INPP5A: variants seen among roughly 807,000 people sequenced by gnomAD.
The protein encoded by INPP5A is inositol polyphosphate-5-phosphatase A.
Under a neutral mutation model 65.2 loss-of-function variants are expected in INPP5A, and 14 were observed. The observed-to-expected ratio is 0.21, with a 90% CI of 0.14 to 0.34. The LOEUF (loss-of-function observed/expected upper bound fraction) is 0.34, where lower values mean the gene tolerates loss of function less well. Ranked by LOEUF, INPP5A falls within the 10% of genes least tolerant of loss-of-function variation. The pLI, the probability that INPP5A is intolerant of heterozygous loss-of-function variation, is 1.00. For synonymous variants in INPP5A, 207 were observed against 208.3 expected (o/e 0.99, Z 0.05); for missense variants, 431 against 545.6 (o/e 0.79, Z 2.09).
At chr10:132,744,560 A>G (rs1269033559) in intron 9 of INPP5A, among the ~76,000 whole-genome samples, 1 of 152,104 alleles carries the variant, frequency 6.6e-6, no homozygotes, top group Non-Finnish European at 1.5e-5. Flanking sequence ...AGTTTGGAGG[A>G]AAAAAGCCTT....
At chr10:132,591,876 C>T (rs1394997844) in intron 1 of INPP5A, among the ~76,000 whole-genome samples, 6 of 152,198 alleles carry the variant, frequency 3.9e-5, no homozygotes, top group Admixed American at 6.5e-5. Flanking sequence ...GCGTAACGGG[C>T]GCCCTTGCTG....
rs1348799414 is a variant in INPP5A at position 132,555,511 on chromosome 10, G to A, written c.75+17340G>A. Among the ~76,000 whole-genome samples the A allele has an allele frequency of 6.6e-6, 1 of 152,118 alleles. No individual in the cohort carries two copies. The highest frequency in any genetic ancestry group is 1.5e-5 in the Non-Finnish European group (1 of 68,024). ...TGACTCAGGGGACCTGGCGCCGTTG[G>A]TGTGTGCTCACAAAGTGCACGGGGT... On this transcript the variant is annotated intron_variant, in intron 1 of 15. Transcript: ENST00000368594. This position sits in a 1 kb window ranked among gnomAD's most constrained non-coding sequence, Gnocchi z 4.4.
chr10:132,778,755 C>A (rs976522884), intron 13 of INPP5A, among the ~76,000 whole-genome samples: 1 of 152,136 alleles, frequency 6.6e-6, no homozygotes, highest in Non-Finnish European at 1.5e-5. Flanking sequence ...ACAGGAGCCC[C>A]CTACTAACCC....
intron 2 of INPP5A, among the ~76,000 whole-genome samples, chr10:132,629,906 A>G (rs914147933): frequency 6.6e-6 from 1 of 152,146 alleles, no homozygotes; most frequent in African/African-American, 2.4e-5. Flanking sequence ...GAAAGTGTCC[A>G]TAAGGGGAAG....
intron 9 of INPP5A, among the ~76,000 whole-genome samples, chr10:132,737,182 C>G (rs960204468): frequency 1.1e-4 from 17 of 152,258 alleles, no homozygotes; most frequent in Non-Finnish European, 2.1e-4. Context: ...CAGGATTTGG[C>G]CCATCCCACA....
intron 9 of INPP5A, 147 bp from the exon 10 acceptor site, chr10:132,749,370 C>T: frequency 1.5e-6 from 1 of 680,956 alleles, no homozygotes; most frequent in Non-Finnish European, 2.5e-6. Flanking sequence ...CGGGAGTGGC[C>T]CCTGACCCCA....
At chr10:132,736,003 G>T (rs1846169605) in intron 9 of INPP5A, among the ~76,000 whole-genome samples, 1 of 152,340 alleles carries the variant, frequency 6.6e-6, no homozygotes, top group Non-Finnish European at 1.5e-5. Flanking sequence ...GGAATGCGCA[G>T]CCTCCTGTGT....
intron 4 of INPP5A, among the ~76,000 whole-genome samples, chr10:132,671,695 A>C (rs941167666): frequency 6.6e-6 from 1 of 152,192 alleles, no homozygotes; most frequent in Non-Finnish European, 1.5e-5. Context: ...GAGCTTCCTG[A>C]TACTGTTTCA....
chr10:132,712,139 C>G (rs1564977116), intron 8 of INPP5A, among the ~76,000 whole-genome samples: 1 of 152,372 alleles, frequency 6.6e-6, no homozygotes, highest in South Asian at 2.1e-4. Context: ...AGGAGAACAG[C>G]AGCCAGCAGG....
At chr10:132,760,706 G>A (rs750853048) in intron 11 of INPP5A, among the ~76,000 whole-genome samples, 4 of 152,170 alleles carry the variant, frequency 2.6e-5, no homozygotes, top group Non-Finnish European at 4.4e-5. Context: ...TCCTCATGAC[G>A]CCCGGGCCCC....
intron 2 of INPP5A, among the ~76,000 whole-genome samples, chr10:132,614,437 A>C (rs1214151103): frequency 6.6e-6 from 1 of 152,228 alleles, no homozygotes; most frequent in African/African-American, 2.4e-5. Flanking sequence ...ACTGTACTCC[A>C]GCCTGGGTGA....
At position 132,651,823 on chromosome 10, in the gene INPP5A, C is replaced by T. The variant is rs2072580662; in HGVS notation, c.306+1318C>T. Among the ~76,000 whole-genome samples, 1 of 152,224 alleles carries T rather than the reference C, an allele frequency of 6.6e-6. No homozygotes were observed. The highest frequency in any genetic ancestry group is 6.5e-5 in the Admixed American group (1 of 15,290). ...GTCACACAGCTGTCATGCGTGGTCC[C>T]CACCAGTAGTGGAGTCTGTACAATC... On this transcript the variant is annotated intron_variant, in intron 4 of 15. Transcript: ENST00000368594. The surrounding 1 kb of genome is among the most constrained non-coding windows in gnomAD (Gnocchi z 5.0).
At chr10:132,564,213 G>A (rs1158470371) in intron 1 of INPP5A, among the ~76,000 whole-genome samples, 1 of 152,084 alleles carries the variant, frequency 6.6e-6, no homozygotes, top group Non-Finnish European at 1.5e-5. Flanking sequence ...TATGGCCACC[G>A]CCATCAGTGG....
chr10:132,710,872 G>T (rs988139291), intron 8 of INPP5A, among the ~76,000 whole-genome samples: 2 of 150,894 alleles, frequency 1.3e-5, no homozygotes, highest in African/African-American at 4.9e-5. Flanking sequence ...GCGGGTAGGT[G>T]GGTGGGCAGG....
chr10:132,583,184 T>C (rs1444585881), intron 1 of INPP5A, among the ~76,000 whole-genome samples: 1 of 152,250 alleles, frequency 6.6e-6, no homozygotes, highest in African/African-American at 2.4e-5. Context: ...GTTTTTTATG[T>C]CATTATAAAT....
At chr10:132,623,705 A>G (rs1351299362) in intron 2 of INPP5A, among the ~76,000 whole-genome samples, 2 of 152,240 alleles carry the variant, frequency 1.3e-5, no homozygotes, top group African/African-American at 4.8e-5. Context: ...AAAAGAATGA[A>G]AAGACATATC....
At chr10:132,679,460 G>A (rs2073014645) in intron 4 of INPP5A, among the ~76,000 whole-genome samples, 3 of 152,138 alleles carry the variant, frequency 2.0e-5, no homozygotes, top group Non-Finnish European at 2.9e-5. Context: ...TGGAAGATGG[G>A]ACAGACGGGC....
intron 11 of INPP5A, among the ~76,000 whole-genome samples, chr10:132,760,351 G>A (rs558448402): frequency 7.9e-4 from 120 of 152,354 alleles, no homozygotes; most frequent in Admixed American, 2.2e-3. Flanking sequence ...ACGCTGTGCC[G>A]CACGCCTGCG....
intron 1 of INPP5A, among the ~76,000 whole-genome samples, chr10:132,571,624 A>G (rs1057444318): frequency 6.6e-6 from 1 of 152,214 alleles, no homozygotes; most frequent in Non-Finnish European, 1.5e-5. Context: ...GTGTGTCTCT[A>G]GGTATGTCAG....
Sources: gnomAD v4.1 joint callset for allele counts (sites outside exome capture counted in the v4.1 genomes callset) on GRCh38, gnomAD v4.1.1 for gene constraint, Gnocchi (gnomAD v3.1) non-coding constraint, MANE v1.5 for transcripts, NCBI Gene and HGNC (gene_info 2026-07-23, HGNC 2026-07-21) for gene names.